The following ARHGAP40 variants were observed in gnomAD, a reference collection of about 807,000 sequenced individuals.
ARHGAP40 encodes rho GTPase-activating protein 40.
A neutral mutation model predicts 73.5 loss-of-function variants in ARHGAP40; 43 were observed. That is an observed-to-expected ratio of 0.58 (90% CI 0.46 to 0.75). ARHGAP40 has a LOEUF of 0.75. ARHGAP40 is among the 30% of genes least tolerant of loss of function. ARHGAP40 has a pLI of 0.00. For synonymous variants in ARHGAP40, 300 were observed against 352.8 expected (o/e 0.85, Z 1.68); for missense variants, 734 against 861.8 (o/e 0.85, Z 1.86).
chr20:38,647,236 T>C lies in ARHGAP40; in HGVS notation c.1880+110T>C, dbSNP rs1486083639. 1.3e-5 allele frequency: 13 copies of C among 1,014,036 alleles called. No homozygotes were observed. In the East Asian group the frequency reaches 8.2e-4, roughly 64 times the overall value. The allele number at this position is 1,014,036 out of a possible 1,614,324, so 62.8% of individuals were successfully genotyped here. A position where few individuals can be genotyped will look rare whatever the true frequency, so the allele number is the denominator to read the frequency against. ...ACATACTGTTGGCCTGACCTGGCCT[T>C]CCCTTTCTGGGGTGGTCAGATGGGT... On this transcript the variant is annotated intron_variant, in intron 13 of 14. Transcript: ENST00000373345.
chr20:38,607,686 G>C (rs908876109), intron 1 of ARHGAP40, among the ~76,000 whole-genome samples: 2 of 152,136 alleles, frequency 1.3e-5, no homozygotes, highest in Non-Finnish European at 2.9e-5. Flanking sequence ...AGGCGTCACC[G>C]ACTCTTCCCA....
intron 3 of ARHGAP40, among the ~76,000 whole-genome samples, 151 bp downstream of exon 3, chr20:38,627,366 CTGTGTGTTGGTG>C (rs1447920664): frequency 1.1e-5 from 1 of 88,208 alleles, no homozygotes; most frequent in Non-Finnish European, 2.8e-5. Flanking sequence ...GTGTTGGTGT[CTGTGTGTTGGTG>C]TGTGTGTTGG....
chr20:38,615,209 G>A lies in ARHGAP40; in HGVS notation c.138-8150G>A, dbSNP rs1312001445. 9.0e-6 allele frequency: 7 copies of A among 781,828 alleles called. No individual in the cohort carries two copies. In the African/African-American group the frequency reaches 1.2e-4, roughly 13 times the overall value. The allele number at this position is 781,828 out of a possible 1,614,324, so 48.4% of individuals were successfully genotyped here. A position where few individuals can be genotyped will look rare whatever the true frequency, so the allele number is the denominator to read the frequency against. On this transcript the variant is annotated intron_variant, in intron 1 of 14. Transcript: ENST00000373345. ...TAAGTTCCATGTAGTAAAGGCTGGTGGGCATTGAGGTAAAAAAGTTTCTTC... is the reference window on the plus strand; with the variant it reads ...TAAGTTCCATGTAGTAAAGGCTGGTAGGCATTGAGGTAAAAAAGTTTCTTC...
intron 11 of ARHGAP40, among the ~76,000 whole-genome samples, chr20:38,644,305 C>T (rs1010055247): frequency 4.6e-5 from 7 of 152,068 alleles, no homozygotes; most frequent in Non-Finnish European, 1.0e-4. Flanking sequence ...CCCTCCTGCC[C>T]CCACCGTGAG....
chr20:38,635,508 A>T (rs1022168617), intron 6 of ARHGAP40, among the ~76,000 whole-genome samples: 3 of 151,946 alleles, frequency 2.0e-5, no homozygotes, highest in Non-Finnish European at 4.4e-5. Flanking sequence ...TACAAAAAAT[A>T]AAAAAGTAGC....
At chr20:38,613,882 C>T (rs896081978) in intron 1 of ARHGAP40, among the ~76,000 whole-genome samples, 2 of 152,154 alleles carry the variant, frequency 1.3e-5, no homozygotes, top group African/African-American at 4.8e-5. Context: ...TGGCGAGCAT[C>T]GTTTAATAAT....
At chr20:38,639,347 C>T in exon 9 of ARHGAP40, 1 of 1,305,564 alleles carries the variant, frequency 7.7e-7, no homozygotes, top group Non-Finnish European at 1.0e-6. Flanking sequence ...GACACCTTTG[C>T]TCACGGCTGA....
At position 38,626,140 on chromosome 20, in the gene ARHGAP40, G is replaced by A. The variant is rs553417098; in HGVS notation, c.338-855G>A. On this transcript the variant is annotated intron_variant, in intron 2 of 14. Transcript: ENST00000373345. The stretch of plus-strand genomic sequence containing the variant: ...CCCAAGTGCAGGGAAAGTGTTGGGG[G>A]AAGACTTGGATTATTTGCAAAACCC... 3.9e-5 allele frequency among the ~76,000 whole-genome samples: 6 copies of A among 152,332 alleles called. No individual in the cohort carries two copies. The South Asian group carries it at 1.2e-3, about 32-fold the overall frequency.
chr20:38,644,331 C>A (rs911961856), intron 11 of ARHGAP40, among the ~76,000 whole-genome samples: 1 of 152,064 alleles, frequency 6.6e-6, no homozygotes, highest in Non-Finnish European at 1.5e-5. Context: ...CCCTGAGTAA[C>A]AAGTGACAGC....
At chr20:38,643,051 G>A (rs1412073914) in intron 10 of ARHGAP40, among the ~76,000 whole-genome samples, 2 of 152,028 alleles carry the variant, frequency 1.3e-5, no homozygotes, top group South Asian at 2.1e-4. Context: ...TGAGGTGGGA[G>A]GGTCACTTGA....
chr20:38,617,440 A>T (rs1055497482), intron 1 of ARHGAP40, among the ~76,000 whole-genome samples: 2 of 151,476 alleles, frequency 1.3e-5, no homozygotes, highest in Admixed American at 1.3e-4. Context: ...CCCCTTCTCT[A>T]CCCCTGTCTT....
At chr20:38,627,432 G>T (rs1168203481) in intron 3 of ARHGAP40, among the ~76,000 whole-genome samples, 1 of 143,270 alleles carries the variant, frequency 7.0e-6, no homozygotes, top group Non-Finnish European at 1.5e-5. Flanking sequence ...TGTGTGTGTT[G>T]TCTGTGTTGG....
At chr20:38,650,367 A>G (rs139305309) in exon 15 of ARHGAP40, 4 of 471,424 alleles carry the variant, frequency 8.5e-6, no homozygotes, top group Admixed American at 7.0e-5. Context: ...AAGTGGCCCT[A>G]CAATGTGTAG....
chr20:38,607,103 G>A (rs1184378501), intron 1 of ARHGAP40, among the ~76,000 whole-genome samples: 3 of 152,206 alleles, frequency 2.0e-5, no homozygotes, highest in Non-Finnish European at 2.9e-5. Flanking sequence ...GGGACAATTT[G>A]TGTCAGATAT....
intron 9 of ARHGAP40, among the ~76,000 whole-genome samples, chr20:38,640,739 C>T (rs981856171): frequency 6.6e-6 from 1 of 152,098 alleles, no homozygotes; most frequent in African/African-American, 2.4e-5. Flanking sequence ...TTCCCTGGGG[C>T]CTCTGCACTT....
At chr20:38,611,898 T>C (rs1350032809) in intron 1 of ARHGAP40, among the ~76,000 whole-genome samples, 1 of 151,346 alleles carries the variant, frequency 6.6e-6, no homozygotes, top group Non-Finnish European at 1.5e-5. Flanking sequence ...TTTGTAATTT[T>C]TTTTTTGTAG....
Position 38,627,682 on chromosome 20 carries a change from GTT to G in ARHGAP40, c.558+468_558+469del, listed in dbSNP as rs1437563262. On this transcript the variant is annotated intron_variant, in intron 3 of 14. Coordinates refer to ENST00000373345, the Ensembl canonical transcript of ARHGAP40. ...TGTGTGGGGGTGTGTTGGTGTGTGTGTTGTGTGTGTGTTGGTGTGTGTGTATT... is the reference window on the plus strand; with the variant it reads ...TGTGTGGGGGTGTGTTGGTGTGTGTGGTGTGTGTGTTGGTGTGTGTGTATT... Among the ~76,000 whole-genome samples the G allele has an allele frequency of 9.6e-3, 1,299 of 134,748 alleles. 18 individuals are homozygous for G. Among genetic ancestry groups the G allele is most frequent in the African/African-American group, 0.032 (1,225 of 37,730 alleles). 88.4% of individuals were successfully genotyped at this position (134,748 alleles called of 152,430 possible). A position where few individuals can be genotyped will look rare whatever the true frequency, so the allele number is the denominator to read the frequency against.
chr20:38,628,879 T>C (rs1408502784), intron 3 of ARHGAP40, 48 bp from the exon 4 acceptor site: 1 of 1,253,746 alleles, frequency 8.0e-7, no homozygotes, highest in Non-Finnish European at 1.1e-6. Flanking sequence ...GTGTGAGCAT[T>C]GTCAGCTTCC....
At chr20:38,629,390 A>T in intron 4 of ARHGAP40, 112 bp from the exon 5 acceptor site, 1 of 1,110,156 alleles carries the variant, frequency 9.0e-7, no homozygotes, top group Non-Finnish European at 1.2e-6. Flanking sequence ...TTTGAACTTG[A>T]GCTTGGGAGC....
Sources: gnomAD v4.1 joint callset for allele counts (sites outside exome capture counted in the v4.1 genomes callset) on GRCh38, gnomAD v4.1.1 for gene constraint, MANE v1.5 for transcripts, NCBI Gene and HGNC (gene_info 2026-07-23, HGNC 2026-07-21) for gene names.